Variants in SYT1 observed in about 807,000 individuals in gnomAD.
SYT1 encodes synaptotagmin 1, also known as synaptotagmin-1.
A neutral mutation model predicts 44.8 loss-of-function variants in SYT1; 8 were observed. The ratio of observed to expected loss-of-function variants is 0.18; its 90% CI spans 0.10 to 0.32. The LOEUF is 0.32. Ranked by LOEUF, SYT1 falls within the 10% of genes least tolerant of loss-of-function variation. The probability of loss-of-function intolerance (pLI) is 1.00; values close to 1 mark genes in which losing one functional copy is unlikely to be tolerated. For synonymous variants in SYT1, 154 were observed against 188.8 expected, an observed-to-expected ratio of 0.82 and a Z score of 1.51; for missense variants, 286 against 509.3, an observed-to-expected ratio of 0.56 and a Z score of 4.22.
intron 4 of SYT1, among the ~76,000 whole-genome samples, chr12:79,217,890 T>C (rs1382529606): frequency 3.4e-5 from 3 of 88,802 alleles, no homozygotes; most frequent in Non-Finnish European, 6.9e-5. Flanking sequence ...TAAATGAAAA[T>C]CCAGTTTACA....
At position 78,924,498 on chromosome 12, in the gene SYT1, C is replaced by T. The variant is rs567451682; in HGVS notation, c.-216-53301C>T. ...CCATATTTTCTTTACATTTATTAGT[C>T]GAGTTTCCACCTGAAAAACAGCTTT... is the stretch of plus-strand genomic sequence containing the variant. On this transcript the variant is annotated intron_variant, in intron 1 of 10. Transcript: ENST00000261205. 1.7e-4 allele frequency among the ~76,000 whole-genome samples: 25 copies of T among 151,206 alleles called. No individual in the cohort carries two copies. The South Asian group carries it at 2.3e-3, about 14-fold the overall frequency.
At chr12:79,379,995 G>A (rs775615994) in intron 9 of SYT1, among the ~76,000 whole-genome samples, 7 of 151,910 alleles carry the variant, frequency 4.6e-5, no homozygotes, top group Non-Finnish European at 1.0e-4. Context: ...ACTCCATTTG[G>A]GTCATCTTTT....
chr12:79,118,653 T>C (rs1159955351), intron 3 of SYT1, among the ~76,000 whole-genome samples: 2 of 152,042 alleles, frequency 1.3e-5, no homozygotes, highest in Non-Finnish European at 1.5e-5. Context: ...GTACATGTGT[T>C]AGCTCCTCTA....
rs141798628 is a variant in SYT1 at position 79,446,704 on chromosome 12, G to A, written c.1063-2214G>A. ...TTTACTTTCAACATCTGTTACATAA[G>A]TAAATGCAGAGGACACTGGTTCCCT... On this transcript the variant is annotated intron_variant, in intron 10 of 10. Transcript: ENST00000261205. Among the ~76,000 whole-genome samples, 93 of 152,208 alleles carry A rather than the reference G, an allele frequency of 6.1e-4. 1 individual carries two copies. Among genetic ancestry groups the A allele is most frequent in the African/African-American group, 2.1e-3 (88 of 41,530 alleles).
intron 6 of SYT1, among the ~76,000 whole-genome samples, chr12:79,295,583 T>TA (rs1856020302): frequency 6.6e-6 from 1 of 152,218 alleles, no homozygotes. Context: ...TCTTATTTTT[T>TA]ATCTCAAAAT....
chr12:79,416,400 T>C (rs141297238), intron 9 of SYT1, among the ~76,000 whole-genome samples: 16 of 152,314 alleles, frequency 1.1e-4, no homozygotes, highest in African/African-American at 3.8e-4. Context: ...CAAATGCTTC[T>C]TAGAAACATA....
At chr12:79,352,745 C>T (rs1364558108) in intron 8 of SYT1, among the ~76,000 whole-genome samples, 2 of 152,032 alleles carry the variant, frequency 1.3e-5, no homozygotes, top group Non-Finnish European at 2.9e-5. Context: ...AACACTTGAT[C>T]AGTTGTTCAA....
At chr12:79,255,391 A>G (rs576895559) in intron 4 of SYT1, among the ~76,000 whole-genome samples, 5 of 152,344 alleles carry the variant, frequency 3.3e-5, no homozygotes, top group African/African-American at 1.2e-4. Context: ...GCTATTATAT[A>G]CTTAACAGGC....
intron 1 of SYT1, among the ~76,000 whole-genome samples, chr12:78,946,355 AT>A (rs1258710096): frequency 6.6e-6 from 1 of 152,112 alleles, no homozygotes; most frequent in Non-Finnish European, 1.5e-5. Context: ...TACGTAATGG[AT>A]AAAAGCTTGT....
At chr12:79,303,576 A>T (rs10861836) in intron 8 of SYT1, among the ~76,000 whole-genome samples, 52,468 of 151,784 alleles carry the variant, frequency 0.35, 9,398 homozygotes, top group East Asian at 0.59. Context: ...AATGGAAAAA[A>T]ATTGATTGCA....
chr12:79,333,971 G>T (rs570709552), intron 8 of SYT1, among the ~76,000 whole-genome samples: 51 of 151,710 alleles, frequency 3.4e-4, no homozygotes, highest in Non-Finnish European at 3.2e-4. Flanking sequence ...TTTATACATG[G>T]TCCGTGACAT....
chr12:78,974,306 G>A (rs1868650692), intron 1 of SYT1, among the ~76,000 whole-genome samples: 1 of 151,436 alleles, frequency 6.6e-6, no homozygotes, highest in Non-Finnish European at 1.5e-5. Context: ...TTTATTATTT[G>A]GTGCATAACT....
intron 8 of SYT1, among the ~76,000 whole-genome samples, chr12:79,300,339 G>A (rs573077341): frequency 1.5e-4 from 23 of 152,082 alleles, no homozygotes; most frequent in Non-Finnish European, 2.2e-4. Flanking sequence ...AACTCCTTTC[G>A]CAGTCACTCT....
intron 1 of SYT1, among the ~76,000 whole-genome samples, chr12:78,889,405 A>G (rs1320958545): frequency 6.6e-6 from 1 of 152,018 alleles, no homozygotes. Flanking sequence ...AACTTGTAAT[A>G]TAAATGAAGC....
At chr12:78,997,268 C>G (rs59444656) in intron 2 of SYT1, among the ~76,000 whole-genome samples, 24,431 of 152,138 alleles carry the variant, frequency 0.16, 2,335 homozygotes, top group African/African-American at 0.27. Context: ...TAGACAGTGT[C>G]AGCAGTTCTC....
At chr12:79,039,238 A>T (rs939303294) in intron 2 of SYT1, among the ~76,000 whole-genome samples, 1 of 152,078 alleles carries the variant, frequency 6.6e-6, no homozygotes, top group Non-Finnish European at 1.5e-5. Flanking sequence ...AACACTAAAA[A>T]GTCATCAGCT....
chr12:79,316,698 C>G (rs1010886056), intron 8 of SYT1, among the ~76,000 whole-genome samples: 3 of 152,194 alleles, frequency 2.0e-5, no homozygotes, highest in Non-Finnish European at 4.4e-5. Context: ...GTCCACCGTA[C>G]AACTGGCACC....
chr12:79,153,802 TTGTC>T (rs1404258457), intron 3 of SYT1, among the ~76,000 whole-genome samples: 1 of 152,136 alleles, frequency 6.6e-6, no homozygotes, highest in African/African-American at 2.4e-5. Flanking sequence ...TTTCTACTGT[TTGTC>T]TGCCCATGTA....
chr12:79,439,329 C>T (rs1470834736), intron 9 of SYT1, among the ~76,000 whole-genome samples: 1 of 152,166 alleles, frequency 6.6e-6, no homozygotes, highest in Non-Finnish European at 1.5e-5. Flanking sequence ...AATCAGTTTC[C>T]CATCTCACGC....
Sources: allele counts gnomAD v4.1 joint callset (sites outside exome capture counted in the v4.1 genomes callset), GRCh38; gene constraint gnomAD v4.1.1; transcripts MANE v1.5; gene names NCBI Gene and HGNC (gene_info 2026-07-23, HGNC 2026-07-21).